Variants in TNR observed in about 807,000 individuals in gnomAD.
TNR encodes the protein tenascin R, also known as tenascin-R.
Under a neutral mutation model 150.4 loss-of-function variants are expected in TNR, and 45 were observed. That is an observed-to-expected ratio of 0.30 (90% CI 0.24 to 0.38). The LOEUF (loss-of-function observed/expected upper bound fraction) is 0.38. TNR is among the 10% of genes least tolerant of loss of function. The probability of loss-of-function intolerance (pLI) is 1.00; values close to 1 mark genes in which losing one functional copy is unlikely to be tolerated. For synonymous variants in TNR, 687 were observed against 678.4 expected (o/e 1.01, Z -0.20); for missense variants, 1,544 against 1,759.1 (o/e 0.88, Z 2.19).
chr1:175,590,428 C>A (rs1202945783), intron 1 of TNR, among the ~76,000 whole-genome samples: 1 of 152,028 alleles, frequency 6.6e-6, no homozygotes, highest in Non-Finnish European at 1.5e-5. Context: ...GTGTCCCCAC[C>A]AAGTGCCTCA....
At chr1:175,662,595 C>T (rs781167048) in intron 1 of TNR, among the ~76,000 whole-genome samples, 1 of 152,194 alleles carries the variant, frequency 6.6e-6, no homozygotes, top group Admixed American at 6.5e-5. Context: ...TAGTCTTATC[C>T]AAACCTGTGA....
intron 2 of TNR, among the ~76,000 whole-genome samples, chr1:175,420,532 GAGA>G (rs1230925553): frequency 3.9e-5 from 6 of 152,236 alleles, no homozygotes; most frequent in African/African-American, 7.2e-5. Flanking sequence ...TGCTGTAGCA[GAGA>G]AGAAGATTTA....
chr1:175,728,324 C>A (rs1463445113), intron 1 of TNR, among the ~76,000 whole-genome samples: 2 of 152,192 alleles, frequency 1.3e-5, no homozygotes, highest in African/African-American at 2.4e-5. Context: ...GAAGTCAAGA[C>A]TTTGGAGAAG....
intron 9 of TNR, among the ~76,000 whole-genome samples, chr1:175,377,279 G>T (rs966475057): frequency 2.0e-5 from 3 of 151,996 alleles, no homozygotes; most frequent in Non-Finnish European, 2.9e-5. Context: ...CTTTTTTCCC[G>T]GTAGAGGGAA....
intron 1 of TNR, among the ~76,000 whole-genome samples, chr1:175,676,253 C>T (rs1665862975): frequency 6.6e-6 from 1 of 152,156 alleles, no homozygotes; most frequent in African/African-American, 2.4e-5. Flanking sequence ...ACCTGAGAGG[C>T]AGGTGGGTGG....
At chr1:175,508,004 C>T (rs867144338) in intron 2 of TNR, among the ~76,000 whole-genome samples, 11 of 152,030 alleles carry the variant, frequency 7.2e-5, no homozygotes, top group African/African-American at 2.7e-4. Context: ...AAGACTGTAT[C>T]CAGGAACAGA....
chr1:175,697,476 C>T (rs1666565339), intron 1 of TNR, among the ~76,000 whole-genome samples: 2 of 152,024 alleles, frequency 1.3e-5, no homozygotes, highest in Admixed American at 6.5e-5. Context: ...CTTGTTTTCC[C>T]TTAAGGTTGC....
intron 1 of TNR, among the ~76,000 whole-genome samples, chr1:175,568,642 C>A (rs1661741408): frequency 6.6e-6 from 1 of 152,194 alleles, no homozygotes; most frequent in Non-Finnish European, 1.5e-5. Context: ...GGCCTCCCAT[C>A]CAATCCTGGA....
intron 1 of TNR, among the ~76,000 whole-genome samples, chr1:175,603,565 C>T (rs1300899755): frequency 6.6e-6 from 1 of 152,224 alleles, no homozygotes; most frequent in Non-Finnish European, 1.5e-5. Flanking sequence ...TGAATTCTCA[C>T]TAAAAATCAC....
intron 1 of TNR, among the ~76,000 whole-genome samples, chr1:175,687,323 T>C (rs1253347933): frequency 6.6e-6 from 1 of 152,160 alleles, no homozygotes; most frequent in Non-Finnish European, 1.5e-5. Context: ...TTCGTGCCCT[T>C]AAGTTTCTCT....
chr1:175,688,353 G>T (rs1471248148), intron 1 of TNR, among the ~76,000 whole-genome samples: 1 of 152,214 alleles, frequency 6.6e-6, no homozygotes, highest in East Asian at 1.9e-4. Context: ...AAGAAAGGAG[G>T]CAGTGAGCTT....
intron 1 of TNR, among the ~76,000 whole-genome samples, chr1:175,621,609 A>G (rs1663980781): frequency 6.6e-6 from 1 of 152,234 alleles, no homozygotes; most frequent in South Asian, 2.1e-4. Context: ...AAGCATTGAC[A>G]CAGTTTCACA....
chr1:175,450,840 G>GCA (rs2102092662), intron 2 of TNR, among the ~76,000 whole-genome samples: 1 of 152,316 alleles, frequency 6.6e-6, no homozygotes, highest in East Asian at 1.9e-4. Flanking sequence ...GGGTCTGAAA[G>GCA]CACAGTTAAG....
At chr1:175,402,976 C>G (rs1006147029) in intron 4 of TNR, among the ~76,000 whole-genome samples, 164 bp downstream of exon 4, 1 of 152,198 alleles carries the variant, frequency 6.6e-6, no homozygotes, top group African/African-American at 2.4e-5. Context: ...CATCAAGACT[C>G]AAGAACTCAG....
intron 6 of TNR, 33 bp from the exon 7 acceptor site, chr1:175,391,471 GA>G: frequency 1.2e-6 from 2 of 1,603,904 alleles, no homozygotes; most frequent in Non-Finnish European, 1.7e-6. Context: ...GAGCAAAAGA[GA>G]AAAGTCACTG....
intron 1 of TNR, among the ~76,000 whole-genome samples, chr1:175,654,541 G>A (rs1029941599): frequency 3.6e-4 from 54 of 151,956 alleles, no homozygotes; most frequent in Non-Finnish European, 2.1e-4. Flanking sequence ...CACATTACAG[G>A]TATCCCAAGA....
At chr1:175,564,880 C>T (rs1415215270) in intron 1 of TNR, among the ~76,000 whole-genome samples, 1 of 152,214 alleles carries the variant, frequency 6.6e-6, no homozygotes, top group Non-Finnish European at 1.5e-5. Context: ...CTATGTCTGG[C>T]TTCCCTCTTC....
At chr1:175,633,849 T>C (rs572138965) in intron 1 of TNR, among the ~76,000 whole-genome samples, 3 of 152,296 alleles carry the variant, frequency 2.0e-5, no homozygotes, top group African/African-American at 7.2e-5. Context: ...ACATCTTCCA[T>C]AGACCAGATA....
At chr1:175,505,867 C>G (rs1352755674) in intron 2 of TNR, among the ~76,000 whole-genome samples, 2 of 150,074 alleles carry the variant, frequency 1.3e-5, no homozygotes, top group African/African-American at 2.5e-5. Flanking sequence ...ATGGCAAAAC[C>G]CTGTCTCTAC....
Sources: gnomAD v4.1 joint callset for allele counts (sites outside exome capture counted in the v4.1 genomes callset) on GRCh38, gnomAD v4.1.1 for gene constraint, MANE v1.5 for transcripts, NCBI Gene and HGNC (gene_info 2026-07-23, HGNC 2026-07-21) for gene names.